GSTCD: variants seen among roughly 807,000 people sequenced by gnomAD.
GSTCD encodes the protein glutathione S-transferase C-terminal domain containing.
A neutral mutation model predicts 68.3 loss-of-function variants in GSTCD; 44 were observed. The observed-to-expected ratio is 0.64, with a 90% CI of 0.51 to 0.83. The LOEUF is 0.83. Ranked by LOEUF, GSTCD falls within the 40% of genes least tolerant of loss-of-function variation. The pLI is 0.00. For synonymous variants in GSTCD, 273 were observed against 255.2 expected (o/e 1.07, Z -0.67); for missense variants, 739 against 735.9 (o/e 1.00, Z -0.05).
chr4:105,846,966 T>C lies in GSTCD; in HGVS notation c.*1389T>C, dbSNP rs1231368542. The C allele has an allele frequency of 6.6e-6, 1 of 152,140 alleles. No individual in the cohort carries two copies. Among genetic ancestry groups the C allele is most frequent in the Non-Finnish European group, 1.5e-5 (1 of 68,018 alleles). The allele number at this position is 152,140 out of a possible 1,614,324, so 9.4% of individuals were successfully genotyped here. Reference sequence around the variant, plus strand: ...GAGCCACCTCACCTGGCCATGTTCTTTATGGAATACTACAATGTGTTGTCA... The same window carrying C: ...GAGCCACCTCACCTGGCCATGTTCTCTATGGAATACTACAATGTGTTGTCA... On this transcript the variant is annotated 3_prime_UTR_variant, in exon 12 of 12. Coordinates refer to ENST00000515279, the MANE Select transcript of GSTCD (RefSeq NM_001370181.1).
chr4:105,731,278 G>C (rs1250318182), intron 5 of GSTCD, among the ~76,000 whole-genome samples: 3 of 152,186 alleles, frequency 2.0e-5, no homozygotes, highest in African/African-American at 7.2e-5. Context: ...AAAGTCATTG[G>C]TAGCTTGATG....
intron 5 of GSTCD, among the ~76,000 whole-genome samples, chr4:105,731,295 A>G (rs1414597292): frequency 6.6e-6 from 1 of 152,080 alleles, no homozygotes; most frequent in African/African-American, 2.4e-5. Flanking sequence ...GATGAGGATG[A>G]CATTGAATCT....
chr4:105,803,580 T>C (rs905271235), intron 5 of GSTCD, among the ~76,000 whole-genome samples: 4 of 151,916 alleles, frequency 2.6e-5, no homozygotes, highest in African/African-American at 4.8e-5. Flanking sequence ...AATTTCAAAG[T>C]TGTAAAAAAT....
At chr4:105,760,936 T>C (rs1332514758) in intron 5 of GSTCD, 4 of 321,644 alleles carry the variant, frequency 1.2e-5, no homozygotes, top group Non-Finnish European at 5.9e-6. Flanking sequence ...TTTTCCATGA[T>C]CTCAGAACTC....
intron 5 of GSTCD, among the ~76,000 whole-genome samples, chr4:105,804,903 C>G (rs954682901): frequency 1.1e-4 from 17 of 152,106 alleles, no homozygotes; most frequent in Admixed American, 9.8e-4. Flanking sequence ...GTTTGGTTTT[C>G]TGTTCCTGTG....
rs556691015 is a variant in GSTCD at position 105,846,551 on chromosome 4, G to A, written c.*974G>A. On this transcript the variant is annotated 3_prime_UTR_variant, in exon 12 of 12. Coordinates refer to ENST00000515279, the MANE Select transcript of GSTCD (RefSeq NM_001370181.1). ...TTTATAAGTAATTATTGAGGATCCAGTATTTTCAAGACCTTGGCCTAGTTT... is the reference window on the plus strand; with the variant it reads ...TTTATAAGTAATTATTGAGGATCCAATATTTTCAAGACCTTGGCCTAGTTT... 2.6e-5 allele frequency: 4 copies of A among 151,866 alleles called. No homozygotes were observed. The highest frequency in any genetic ancestry group is 9.7e-5 in the African/African-American group (4 of 41,434). The allele number at this position is 151,866 out of a possible 1,614,324, so 9.4% of individuals were successfully genotyped here.
rs574096241 is a variant in GSTCD at position 105,728,694 on chromosome 4, T to C, written c.1147-712T>C. Among the ~76,000 whole-genome samples the C allele has an allele frequency of 5.5e-3, 750 of 136,004 alleles. 27 individuals are homozygous for C. The highest frequency in any genetic ancestry group is 0.049 in the Admixed American group (678 of 13,942). 89.2% of individuals were successfully genotyped at this position (136,004 alleles called of 152,430 possible). A position where few individuals can be genotyped will look rare whatever the true frequency, so the allele number is the denominator to read the frequency against. ...CTAGATATAGATATATAGATATAGA[T>C]ATAGATATAGATATAGATATAGACT... On this transcript the variant is annotated intron_variant, in intron 4 of 11. Coordinates refer to ENST00000515279, the MANE Select transcript of GSTCD (RefSeq NM_001370181.1).
At position 105,730,192 on chromosome 4, in the gene GSTCD, G is replaced by A. The variant is rs1368625803; in HGVS notation, c.1240+693G>A. Among the ~76,000 whole-genome samples, 11 of 152,100 alleles carry A rather than the reference G, an allele frequency of 7.2e-5. No homozygotes were observed. The East Asian group carries it at 7.7e-4, about 11-fold the overall frequency. ...AGTCTTTGCTATTGTGAATAGTGCC[G>A]CAATGAACATACATGTGCTTGTGTC... On this transcript the variant is annotated intron_variant, in intron 5 of 11. Coordinates refer to ENST00000515279, the MANE Select transcript of GSTCD (RefSeq NM_001370181.1).
At position 105,829,613 on chromosome 4, in the gene GSTCD, T is replaced by C. The variant is rs993130252; in HGVS notation, c.1530+3813T>C. Among the ~76,000 whole-genome samples, 4 of 152,230 alleles carry C rather than the reference T, an allele frequency of 2.6e-5. No individual in the cohort carries two copies. The East Asian group carries it at 7.7e-4, about 29-fold the overall frequency. ...ATTTCATGGGACTTATTCACTATCA[T>C]GAGAACAGCATGGGAAAGACCCACC... On this transcript the variant is annotated intron_variant, in intron 8 of 11. Transcript: ENST00000515279.
intron 3 of GSTCD, among the ~76,000 whole-genome samples, chr4:105,723,823 G>C (rs1333166323): frequency 1.3e-5 from 2 of 151,650 alleles, no homozygotes; most frequent in Non-Finnish European, 3.0e-5. Context: ...ACCCCTAAAT[G>C]AGTGATAAAT....
At chr4:105,730,182 G>A (rs1389773166) in intron 5 of GSTCD, among the ~76,000 whole-genome samples, 2 of 152,160 alleles carry the variant, frequency 1.3e-5, no homozygotes, top group Non-Finnish European at 2.9e-5. Context: ...TTGCTATTGT[G>A]AATAGTGCCG....
intron 5 of GSTCD, among the ~76,000 whole-genome samples, chr4:105,767,214 C>T (rs184697374): frequency 6.9e-4 from 105 of 152,062 alleles, no homozygotes; most frequent in East Asian, 3.1e-3. Flanking sequence ...AACAGTTGAC[C>T]GCATGTGATT....
chr4:105,755,069 A>T (rs913245291), intron 5 of GSTCD, among the ~76,000 whole-genome samples: 10 of 4,174 alleles, frequency 2.4e-3, no homozygotes, highest in South Asian at 0.021. Context: ...AAAAAAAAAA[A>T]AAAAAAAAAA....
intron 5 of GSTCD, chr4:105,761,459 G>A (rs1734408850): frequency 6.6e-6 from 1 of 152,064 alleles, no homozygotes; most frequent in African/African-American, 2.4e-5. Flanking sequence ...TATTAAAATA[G>A]TAGAATTATC....
intron 1 of GSTCD, 21 bp from the exon 2 acceptor site, chr4:105,717,572 T>C (rs1732718735): frequency 7.5e-7 from 1 of 1,330,908 alleles, no homozygotes; most frequent in East Asian, 2.3e-5. Flanking sequence ...AAGACCATAA[T>C]CACTTCAATT....
intron 5 of GSTCD, among the ~76,000 whole-genome samples, chr4:105,745,780 T>C (rs1318022377): frequency 5.3e-5 from 8 of 152,184 alleles, no homozygotes; most frequent in African/African-American, 1.9e-4. Context: ...GGAGGGAAGA[T>C]AGTCAGAAGC....
intron 5 of GSTCD, among the ~76,000 whole-genome samples, chr4:105,792,609 A>G (rs1382617362): frequency 6.6e-6 from 1 of 152,070 alleles, no homozygotes; most frequent in Non-Finnish European, 1.5e-5. Flanking sequence ...TTAAATTAGA[A>G]CAGACAAGGC....
intron 5 of GSTCD, among the ~76,000 whole-genome samples, chr4:105,740,552 G>C (rs1733600573): frequency 6.6e-6 from 1 of 152,208 alleles, no homozygotes; most frequent in Middle Eastern, 3.4e-3. Context: ...TGTTTTTGTG[G>C]TGGGGGCGTG....
chr4:105,782,692 C>T (rs115057998), intron 5 of GSTCD, among the ~76,000 whole-genome samples: 111 of 152,174 alleles, frequency 7.3e-4, no homozygotes, highest in Non-Finnish European at 1.4e-3. Context: ...AAACGATTCT[C>T]ATGCCTCAGG....
Sources: gnomAD v4.1 joint callset for allele counts (sites outside exome capture counted in the v4.1 genomes callset) on GRCh38, gnomAD v4.1.1 for gene constraint, MANE v1.5 for transcripts, NCBI Gene and HGNC (gene_info 2026-07-23, HGNC 2026-07-21) for gene names.